Variants in CRNKL1 observed in about 807,000 individuals in gnomAD.
CRNKL1 encodes the protein crooked neck pre-mRNA splicing factor 1.
CRNKL1 carries 35 observed loss-of-function variants against 103.7 expected under a neutral mutation model. That is an observed-to-expected ratio of 0.34 (90% confidence interval 0.26 to 0.45). CRNKL1 has a LOEUF of 0.45. CRNKL1 is among the 20% of genes least tolerant of loss of function. CRNKL1 has a pLI of 1.00. For missense variants in CRNKL1, 645 were observed against 836.0 expected, an observed-to-expected ratio of 0.77 and a Z score of 2.82; for synonymous variants, 267 against 282.6, an observed-to-expected ratio of 0.94 and a Z score of 0.55.
Position 20,038,457 on chromosome 20 carries a change from A to T in CRNKL1, c.1546-7T>A. 6.6e-7 allele frequency: 1 copy of T among 1,514,816 alleles called. No homozygotes were observed. Among genetic ancestry groups the T allele is most frequent in the Non-Finnish European group, 9.0e-7 (1 of 1,113,538 alleles). The allele number at this position is 1,514,816 out of a possible 1,614,324, so 93.8% of individuals were successfully genotyped here. A position where few individuals can be genotyped will look rare whatever the true frequency, so the allele number is the denominator to read the frequency against. ...TATATGATTTCCAAAGCACCTAAGG[A>T]AGAAAAGTAAATGGGTCAGTCTTGA... On this transcript the variant is annotated splice_region_variant and splice_polypyrimidine_tract_variant and intron_variant, in intron 11 of 13. Coordinates refer to ENST00000536226, the MANE Select transcript of CRNKL1 (RefSeq NM_001278628.2).
intron 13 of CRNKL1, among the ~76,000 whole-genome samples, chr20:20,036,742 C>T (rs1057476569): frequency 2.0e-5 from 3 of 152,208 alleles, no homozygotes; most frequent in African/African-American, 7.2e-5. Flanking sequence ...CCTACCTTCC[C>T]ATCCTCACCT....
At chr20:20,055,444 C>A (rs1336656927), upstream of CRNKL1, among the ~76,000 whole-genome samples, 1 of 152,142 alleles carries the variant, frequency 6.6e-6, no homozygotes, top group Non-Finnish European at 1.5e-5. Flanking sequence ...TACCGAGGGG[C>A]CCATCCAAAG....
Position 20,036,548 on chromosome 20 carries a change from G to T in CRNKL1, c.1897-186C>A, listed in dbSNP as rs557279843. ...GTGAGTAAGCAGCAACTGTAGCTCA[G>T]TGAGAACTAAACTGGTAGAAAAACA... On this transcript the variant is annotated intron_variant, in intron 13 of 13. Transcript: ENST00000536226. Among the ~76,000 whole-genome samples, 52 of 152,322 alleles carry T rather than the reference G, an allele frequency of 3.4e-4. No homozygotes were observed. In the South Asian group the frequency reaches 0.011, roughly 31 times the overall value.
intron 6 of CRNKL1, among the ~76,000 whole-genome samples, chr20:20,044,763 G>A (rs979404938): frequency 1.3e-5 from 2 of 151,428 alleles, no homozygotes; most frequent in Admixed American, 1.3e-4. Context: ...GGGACTGTAG[G>A]TGTGCACCAC....
chr20:20,040,248 G>T (rs1306919538), intron 10 of CRNKL1, among the ~76,000 whole-genome samples: 1 of 151,238 alleles, frequency 6.6e-6, no homozygotes, highest in Non-Finnish European at 1.5e-5. Flanking sequence ...GGAGGCAGAG[G>T]TTGCAGTGAG....
rs1385388327 is a variant in CRNKL1 at position 20,042,522 on chromosome 20, AAGACAACC to A, written c.973-14_973-7del. On this transcript the variant is annotated splice_polypyrimidine_tract_variant and splice_region_variant and intron_variant, in intron 7 of 13. Coordinates refer to ENST00000536226, the MANE Select transcript of CRNKL1 (RefSeq NM_001278628.2). ...TCATAATTGTGTGGATTCGCCTAGA[AAGACAACC>A]AGTTTAATAAATAAAAAACAAAACC... The A allele has an allele frequency of 6.3e-7, 1 of 1,596,064 alleles. No homozygotes were observed. Among genetic ancestry groups the A allele is most frequent in the African/African-American group, 1.3e-5 (1 of 74,074 alleles).
Position 20,052,398 on chromosome 20 carries a change from C to T in CRNKL1, c.-56G>A, listed in dbSNP as rs530981737. 1.4e-5 allele frequency: 22 copies of T among 1,614,238 alleles called. No homozygotes were observed. In the South Asian group the frequency reaches 2.3e-4, roughly 17 times the overall value. On this transcript the variant is annotated 5_prime_UTR_variant, in exon 1 of 14. Transcript: ENST00000536226. ...CCCCGGCACGGACGCTAGAAATCGG[C>T]TCTGAGAGCTCACCGAAACCACAAA...
upstream of CRNKL1, among the ~76,000 whole-genome samples, chr20:20,055,735 A>G (rs904804648): frequency 6.6e-6 from 1 of 152,170 alleles, no homozygotes; most frequent in Admixed American, 6.5e-5. Context: ...TCAATTTAAA[A>G]CCAGAACAAG....
At chr20:20,050,424 TAC>T (rs752965802) in intron 2 of CRNKL1, 44 bp downstream of exon 2, 12 of 1,570,642 alleles carry the variant, frequency 7.6e-6, no homozygotes, top group Non-Finnish European at 9.6e-6. Flanking sequence ...AACTGACCGA[TAC>T]AGTCTTAACA....
chr20:20,037,283 A>G, intron 13 of CRNKL1, 40 bp downstream of exon 13: 1 of 1,591,670 alleles, frequency 6.3e-7, no homozygotes, highest in South Asian at 1.1e-5. Context: ...GTTTCTACTC[A>G]TGTGACGTGA....
intron 12 of CRNKL1, 104 bp downstream of exon 12, chr20:20,038,245 A>C (rs1027747995): frequency 5.8e-6 from 4 of 693,354 alleles, no homozygotes; most frequent in Non-Finnish European, 9.6e-6. Context: ...CATTAAAAAA[A>C]AAAAAAAAAC....
At chr20:20,044,724 A>C (rs2043568200) in intron 6 of CRNKL1, among the ~76,000 whole-genome samples, 1 of 152,038 alleles carries the variant, frequency 6.6e-6, no homozygotes, top group Admixed American at 6.5e-5. Context: ...GGCTCAAGTG[A>C]TACTCCTGCC....
chr20:20,041,511 G>A, intron 9 of CRNKL1, 55 bp downstream of exon 9: 6 of 1,325,766 alleles, frequency 4.5e-6, no homozygotes, highest in Non-Finnish European at 6.5e-6. Context: ...TACTTCACAA[G>A]TAACAGAAGA....
intron 7 of CRNKL1, 86 bp from the exon 8 acceptor site, chr20:20,042,602 C>G (rs778907822): frequency 7.9e-5 from 101 of 1,272,422 alleles, no homozygotes; most frequent in Non-Finnish European, 9.9e-5. Context: ...AGGCATCAGG[C>G]TGACTTTCTA....
At chr20:20,047,705 A>C (rs924718924) in intron 5 of CRNKL1, 60 bp downstream of exon 5, 48 of 1,540,422 alleles carry the variant, frequency 3.1e-5, no homozygotes, top group African/African-American at 4.1e-5. Flanking sequence ...ACATCTCTAC[A>C]GGAGCAGCAG....
chr20:20,036,451 T>G, intron 13 of CRNKL1, 89 bp from the exon 14 acceptor site: 1 of 1,200,458 alleles, frequency 8.3e-7, no homozygotes. Context: ...ATCCGGATGA[T>G]TACCTCCATT....
intron 9 of CRNKL1, 61 bp from the exon 10 acceptor site, chr20:20,040,827 A>C: frequency 8.5e-7 from 1 of 1,182,386 alleles, no homozygotes; most frequent in Non-Finnish European, 1.2e-6. Flanking sequence ...AAATTGAATT[A>C]AAATTAATTT....
intron 5 of CRNKL1, among the ~76,000 whole-genome samples, chr20:20,046,128 A>C (rs147585657): frequency 1.6e-4 from 24 of 152,360 alleles, no homozygotes; most frequent in African/African-American, 5.8e-4. Context: ...AATATATTCC[A>C]ATATGGCAAA....
chr20:20,042,468 C>T lies in CRNKL1; in HGVS notation c.1021G>A (p.Glu341Lys). 1 of 1,614,134 alleles carries T rather than the reference C, an allele frequency of 6.2e-7. No homozygotes were observed. Among genetic ancestry groups the T allele is most frequent in the African/African-American group, 1.3e-5 (1 of 75,048 alleles). The part of the protein sequence containing the change: ...DAWFDYLRLV[E>K]SDAEAEAVRE... ...ACGGCTTCAGCTTCTGCGTCACTTT[C>T]TACCAAGCGCAAGTAATCAAACCAT... Residue 341 changes from glutamate (E) to lysine (K), a missense_variant, in exon 8 of 14, where the codon GAA becomes AAA. Glu to Lys is a moderately conservative substitution (Grantham distance 56, BLOSUM62 1). Transcript: ENST00000536226.
Sources: allele counts gnomAD v4.1 joint callset (sites outside exome capture counted in the v4.1 genomes callset), GRCh38; gene constraint gnomAD v4.1.1; transcripts MANE v1.5; gene names NCBI Gene and HGNC (gene_info 2026-07-23, HGNC 2026-07-21).